The following RGS17 variants were observed in gnomAD, a reference collection of about 807,000 sequenced individuals.
The protein encoded by RGS17 is regulator of G protein signaling 17, also known as regulator of G-protein signaling 17.
Under a neutral mutation model 25.5 loss-of-function variants are expected in RGS17, and 12 were observed. The ratio of observed to expected loss-of-function variants is 0.47; its 90% CI spans 0.30 to 0.76. The LOEUF is 0.76. RGS17 is among the 30% of genes least tolerant of loss of function. The pLI is 0.07. For missense variants in RGS17, 196 were observed against 242.2 expected (o/e 0.81, Z 1.27); for synonymous variants, 71 against 76.9 (o/e 0.92, Z 0.40).
intron 4 of RGS17, among the ~76,000 whole-genome samples, chr6:153,012,675 A>G (rs954681992): frequency 2.0e-5 from 3 of 152,190 alleles, no homozygotes; most frequent in African/African-American, 7.2e-5. Context: ...CAACCACTCA[A>G]AGTCCAGATT....
At chr6:153,036,504 G>A (rs921347176) in intron 2 of RGS17, among the ~76,000 whole-genome samples, 3 of 152,108 alleles carry the variant, frequency 2.0e-5, no homozygotes, top group South Asian at 4.1e-4. Flanking sequence ...TCACCAGGGC[G>A]AATCATTCTC....
At chr6:153,122,668 T>C (rs539915031) in intron 1 of RGS17, among the ~76,000 whole-genome samples, 1 of 152,068 alleles carries the variant, frequency 6.6e-6, no homozygotes, top group Non-Finnish European at 1.5e-5. Context: ...GATAGAACAT[T>C]TGAGCTCTTG....
chr6:153,026,625 T>G, intron 2 of RGS17, 82 bp from the exon 3 acceptor site: 1 of 1,003,266 alleles, frequency 1.0e-6, no homozygotes, highest in Non-Finnish European at 1.6e-6. Context: ...GGGGAAACAT[T>G]TCACAGGAGA....
intron 1 of RGS17, among the ~76,000 whole-genome samples, chr6:153,072,989 A>C (rs1265877465): frequency 6.6e-6 from 1 of 152,182 alleles, no homozygotes; most frequent in Non-Finnish European, 1.5e-5. Context: ...AACTCAGAAA[A>C]TCAGCAAACA....
Position 153,016,864 on chromosome 6 carries a change from G to T in RGS17, c.445-5102C>A, listed in dbSNP as rs1218176993. 2.0e-5 allele frequency among the ~76,000 whole-genome samples: 3 copies of T among 152,304 alleles called. No individual in the cohort carries two copies. The East Asian group carries it at 5.8e-4, about 29-fold the overall frequency. ...GGATCATCTATAATACAAGGTATTG[G>T]TGGTGGATCCCAGTTGGGCCTGGGC... On this transcript the variant is annotated intron_variant, in intron 4 of 4. Transcript: ENST00000206262.
rs1779112677 is a variant in RGS17 at position 153,009,744 on chromosome 6, G to A, written c.*1830C>T. The A allele has an allele frequency of 6.6e-6, 1 of 151,858 alleles. No homozygotes were observed. Among genetic ancestry groups the A allele is most frequent in the East Asian group, 1.9e-4 (1 of 5,198 alleles). 9.4% of individuals were successfully genotyped at this position (151,858 alleles called of 1,614,324 possible). A position where few individuals can be genotyped will look rare whatever the true frequency, so the allele number is the denominator to read the frequency against. On this transcript the variant is annotated 3_prime_UTR_variant, in exon 5 of 5. Coordinates refer to ENST00000206262, the MANE Select transcript of RGS17 (RefSeq NM_012419.5). The stretch of plus-strand genomic sequence containing the variant: ...TATGGTAGGATAGTCAGCAACGCCA[G>A]TGTAAACAGAATATTTTGTTTTCTA...
At position 153,022,998 on chromosome 6, in the gene RGS17, G is replaced by T. The variant is rs4869777; in HGVS notation, c.444+1264C>A. ...AAAAAAATAAATCAATCCTTTGTGC[G>T]TCTAATTCTAGAAGGTTTCTCATTT... On this transcript the variant is annotated intron_variant, in intron 4 of 4. Coordinates refer to ENST00000206262, the MANE Select transcript of RGS17 (RefSeq NM_012419.5). Among the ~76,000 whole-genome samples the T allele has an allele frequency of 2.9e-3, 440 of 152,060 alleles. 4 individuals carry two copies. The highest frequency in any genetic ancestry group is 0.01 in the African/African-American group (416 of 41,448).
intron 1 of RGS17, among the ~76,000 whole-genome samples, chr6:153,093,347 T>C (rs1777158993): frequency 6.6e-6 from 1 of 152,210 alleles, no homozygotes; most frequent in African/African-American, 2.4e-5. Flanking sequence ...CTGAAACTCA[T>C]GGTTCTCCAA....
At chr6:153,025,437 T>C (rs567837719) in intron 3 of RGS17, among the ~76,000 whole-genome samples, 1 of 152,062 alleles carries the variant, frequency 6.6e-6, no homozygotes, top group South Asian at 2.1e-4. Flanking sequence ...TTTAAAACTA[T>C]ATACAGATCT....
At chr6:153,023,322 A>G in intron 4 of RGS17, 1 of 494,602 alleles carries the variant, frequency 2.0e-6, no homozygotes, top group Admixed American at 2.1e-5. Context: ...GGTAAAAATC[A>G]CAGTTGTTTA....
In RGS17 at chr6:153,130,674, C is replaced by A. The variant is rs1403915111; in HGVS notation, c.-26+450G>T. On this transcript the variant is annotated intron_variant, in intron 1 of 4. Coordinates refer to ENST00000206262, the MANE Select transcript of RGS17 (RefSeq NM_012419.5). The surrounding 1 kb of genome is among the most constrained non-coding windows in gnomAD (Gnocchi z 6.4). ...TTGGACACTGTTGATGGCACATTCT[C>A]CTCGTTCCCAACCAACCGCACAAAA... Among the ~76,000 whole-genome samples the A allele has an allele frequency of 6.6e-6, 1 of 152,178 alleles. No homozygotes were observed. The highest frequency in any genetic ancestry group is 1.5e-5 in the Non-Finnish European group (1 of 68,028).
At chr6:153,036,272 C>T (rs779347393) in intron 2 of RGS17, among the ~76,000 whole-genome samples, 1 of 152,070 alleles carries the variant, frequency 6.6e-6, no homozygotes, top group Non-Finnish European at 1.5e-5. Context: ...AGGCTGGTCT[C>T]GAACTCCTGG....
intron 1 of RGS17, among the ~76,000 whole-genome samples, chr6:153,090,948 T>C (rs1040334831): frequency 6.6e-6 from 1 of 152,176 alleles, no homozygotes; most frequent in African/African-American, 2.4e-5. Flanking sequence ...TTTCCTCTGG[T>C]GGCTTATGCC....
chr6:153,061,889 G>C (rs1421424936), intron 1 of RGS17, among the ~76,000 whole-genome samples: 1 of 152,114 alleles, frequency 6.6e-6, no homozygotes, highest in Non-Finnish European at 1.5e-5. Context: ...CAGATATTAA[G>C]CATATGAGAG....
chr6:153,079,921 A>T (rs369397208), intron 1 of RGS17, among the ~76,000 whole-genome samples: 6 of 152,134 alleles, frequency 3.9e-5, no homozygotes, highest in African/African-American at 1.2e-4. Context: ...TTTGGGGAGA[A>T]GTTTTAAAGT....
chr6:153,124,835 C>T lies in RGS17; in HGVS notation c.-26+6289G>A, dbSNP rs572096900. 7.2e-5 allele frequency among the ~76,000 whole-genome samples: 11 copies of T among 152,154 alleles called. No homozygotes were observed. The East Asian group carries it at 2.1e-3, about 29-fold the overall frequency. ...ATTTGTTGAGTTTGATTAATCAAAT[C>T]CTGAAAAAATAGGAGAGTTTAGGGT... is the stretch of plus-strand genomic sequence containing the variant. On this transcript the variant is annotated intron_variant, in intron 1 of 4. Transcript: ENST00000206262.
intron 1 of RGS17, among the ~76,000 whole-genome samples, chr6:153,100,264 T>A (rs950708649): frequency 6.6e-5 from 10 of 152,204 alleles, no homozygotes; most frequent in African/African-American, 2.4e-4. Flanking sequence ...ACATCATATA[T>A]TTTTTGTAAG....
intron 1 of RGS17, among the ~76,000 whole-genome samples, chr6:153,054,040 T>TACATA (rs1334282204): frequency 1.6e-5 from 1 of 63,656 alleles, no homozygotes; most frequent in Admixed American, 2.4e-4. Context: ...TATACATATA[T>TACATA]ATGTATATAT....
At chr6:153,037,520 G>T (rs1365182598) in intron 2 of RGS17, among the ~76,000 whole-genome samples, 2 of 151,490 alleles carry the variant, frequency 1.3e-5, no homozygotes, top group Non-Finnish European at 2.9e-5. Context: ...CAGCCCCCCA[G>T]GTTCAAGCGA....
Sources: gnomAD v4.1 joint callset for allele counts (sites outside exome capture counted in the v4.1 genomes callset) on GRCh38, gnomAD v4.1.1 for gene constraint, Gnocchi (gnomAD v3.1) non-coding constraint, MANE v1.5 for transcripts, NCBI Gene and HGNC (gene_info 2026-07-23, HGNC 2026-07-21) for gene names.